Variants in ERMP1 observed in about 807,000 individuals in gnomAD.
ERMP1 encodes the protein Felix-ina.
Under a neutral mutation model 92.0 loss-of-function variants are expected in ERMP1, and 86 were observed. The observed-to-expected ratio is 0.93, with a 90% CI of 0.79 to 1.12. The LOEUF is 1.12. Ranked by LOEUF, ERMP1 falls within the 50% of genes most tolerant of loss-of-function variation. ERMP1 has a pLI of 0.00. For missense variants in ERMP1, 1,342 were observed against 1,116.3 expected (o/e 1.20, Z -2.88); for synonymous variants, 530 against 412.8 (o/e 1.28, Z -3.44).
intron 2 of ERMP1, among the ~76,000 whole-genome samples, chr9:5,828,131 T>C (rs1374529223): frequency 1.3e-5 from 2 of 152,234 alleles, no homozygotes; most frequent in Non-Finnish European, 2.9e-5. Flanking sequence ...AGAACCTGTC[T>C]CTATTATTTA....
At chr9:5,827,956 C>T (rs951676944) in intron 2 of ERMP1, among the ~76,000 whole-genome samples, 1 of 151,998 alleles carries the variant, frequency 6.6e-6, no homozygotes, top group Non-Finnish European at 1.5e-5. Flanking sequence ...CTAGCCTGGG[C>T]GACAGAGTGA....
chr9:5,859,490 T>G (rs1483354610), exon 6 of ERMP1, among the ~76,000 whole-genome samples: 1 of 152,152 alleles, frequency 6.6e-6, no homozygotes, highest in South Asian at 2.1e-4. Context: ...CAAGAAAGAC[T>G]CTCCAGAGTT....
intron 11 of ERMP1, among the ~76,000 whole-genome samples, chr9:5,800,108 G>A (rs1454000920): frequency 2.6e-5 from 4 of 152,118 alleles, no homozygotes; most frequent in African/African-American, 9.7e-5. Context: ...GCCCTTAAGG[G>A]TATATGTTAT....
intron 13 of ERMP1, chr9:5,791,207 G>A (rs560034089): frequency 4.4e-6 from 2 of 456,666 alleles, no homozygotes. Flanking sequence ...GAGAGTGATT[G>A]AGATTTATTT....
At position 5,785,102 on chromosome 9, in the gene ERMP1, G is replaced by C. The variant is rs1827881799; in HGVS notation, c.*2042C>G. ...GAATATTACACAAGCCCTGAGACTA[G>C]TGAGCATCTTACTACTGACCTTGTA... On this transcript the variant is annotated 3_prime_UTR_variant, in exon 15 of 15. Coordinates refer to ENST00000339450, the MANE Select transcript of ERMP1 (RefSeq NM_024896.3). The C allele has an allele frequency of 6.6e-6, 1 of 152,106 alleles. No homozygotes were observed. The highest frequency in any genetic ancestry group is 1.5e-5 in the Non-Finnish European group (1 of 68,034). The allele number at this position is 152,106 out of a possible 1,614,324, so 9.4% of individuals were successfully genotyped here. A position where few individuals can be genotyped will look rare whatever the true frequency, so the allele number is the denominator to read the frequency against.
chr9:5,805,406 A>G lies in ERMP1; in HGVS notation c.1724-189T>C, dbSNP rs1828832576. Among the ~76,000 whole-genome samples, 4 of 152,198 alleles carry G rather than the reference A, an allele frequency of 2.6e-5. No homozygotes were observed. The South Asian group carries it at 8.3e-4, about 32-fold the overall frequency. On this transcript the variant is annotated intron_variant, in intron 9 of 14. Transcript: ENST00000339450. ...AAAATACAAATAAGAATAAAGCAAA[A>G]TACACAAGTAATATATTAGTATGTG...
At chr9:5,792,501 T>C (rs1356919273) in intron 13 of ERMP1, among the ~76,000 whole-genome samples, 1 of 152,196 alleles carries the variant, frequency 6.6e-6, no homozygotes, top group East Asian at 1.9e-4. Flanking sequence ...AGTTTTTCAG[T>C]AAATCTTCTT....
intron 6 of ERMP1, among the ~76,000 whole-genome samples, chr9:5,844,514 C>T (rs7030946): frequency 0.95 from 144,760 of 152,212 alleles, 69,155 homozygotes; most frequent in East Asian, 1. Flanking sequence ...GCTCAAGTGA[C>T]CCACCCTCCT....
At chr9:5,860,628 T>C in intron 5 of ERMP1, among the ~76,000 whole-genome samples, 1 of 94,494 alleles carries the variant, frequency 1.1e-5, no homozygotes, top group Non-Finnish European at 2.6e-5. Context: ...TTTTTTTTTG[T>C]AGAGATCGGG....
chr9:5,804,967 TG>T, intron 10 of ERMP1, 59 bp downstream of exon 10: 1 of 1,302,994 alleles, frequency 7.7e-7, no homozygotes, highest in Non-Finnish European at 1.1e-6. Flanking sequence ...GAATCTAGTA[TG>T]GCTAAATTCA....
intron 7 of ERMP1, 85 bp downstream of exon 7, chr9:5,811,024 TGG>T: frequency 1.2e-6 from 1 of 827,772 alleles, no homozygotes. Context: ...TTTAGCTTTC[TGG>T]GAAGATATAA....
rs145885385 is a variant in ERMP1, at chr9:5,784,779, G to C, written c.*2365C>G. On this transcript the variant is annotated 3_prime_UTR_variant, in exon 15 of 15. Transcript: ENST00000339450. Reference sequence around the variant, plus strand: ...AACTGTAAAAACAAACACTTCATGCGACAATCATTCTTAGGTCAAACACAA... The same window carrying C: ...AACTGTAAAAACAAACACTTCATGCCACAATCATTCTTAGGTCAAACACAA... 6.6e-6 allele frequency: 1 copy of C among 151,798 alleles called. No homozygotes were observed. Among genetic ancestry groups the C allele is most frequent in the African/African-American group, 2.5e-5 (1 of 40,766 alleles). 9.4% of individuals were successfully genotyped at this position (151,798 alleles called of 1,614,324 possible).
chr9:5,838,778 C>A (rs147051684), intron 6 of ERMP1, among the ~76,000 whole-genome samples: 1 of 151,362 alleles, frequency 6.6e-6, no homozygotes, highest in African/African-American at 2.4e-5. Flanking sequence ...GAGGGAAATG[C>A]TCACATTATA....
intron 1 of ERMP1, among the ~76,000 whole-genome samples, chr9:5,831,414 T>C (rs551754158): frequency 6.6e-6 from 1 of 152,204 alleles, no homozygotes; most frequent in Admixed American, 6.5e-5. Flanking sequence ...GAGACCAGCC[T>C]GGGCAACATG....
At chr9:5,840,699 T>C (rs1830152989) in intron 6 of ERMP1, among the ~76,000 whole-genome samples, 2 of 152,248 alleles carry the variant, frequency 1.3e-5, no homozygotes, top group African/African-American at 4.8e-5. Flanking sequence ...AATGACTTAA[T>C]TTTGTTATGC....
chr9:5,838,540 A>AAG (rs1554627927), intron 6 of ERMP1, among the ~76,000 whole-genome samples: 1 of 151,954 alleles, frequency 6.6e-6, no homozygotes, highest in Non-Finnish European at 1.5e-5. Flanking sequence ...CAAAAAAAAA[A>AAG]AAGAAGAAGA....
intron 2 of ERMP1, among the ~76,000 whole-genome samples, chr9:5,826,113 T>C (rs1829722996): frequency 6.6e-6 from 1 of 152,016 alleles, no homozygotes; most frequent in Non-Finnish European, 1.5e-5. Flanking sequence ...AATCAAGAAG[T>C]TGGGAGGGTA....
chr9:5,785,262 G>A lies in ERMP1; in HGVS notation c.*1882C>T, dbSNP rs551519199. Reference sequence around the variant, plus strand: ...AGAGTAAAGGCATCCTTCCCATAGAGGGGGGGAATTCACAGGGAACACTAA... The same window carrying A: ...AGAGTAAAGGCATCCTTCCCATAGAAGGGGGGAATTCACAGGGAACACTAA... On this transcript the variant is annotated 3_prime_UTR_variant, in exon 15 of 15. Transcript: ENST00000339450. 6.6e-6 allele frequency: 1 copy of A among 151,972 alleles called. No homozygotes were observed. Among genetic ancestry groups the A allele is most frequent in the South Asian group, 2.1e-4 (1 of 4,824 alleles). The allele number at this position is 151,972 out of a possible 1,614,324, so 9.4% of individuals were successfully genotyped here.
chr9:5,866,566 A>G (rs1563790319), intron 5 of ERMP1, among the ~76,000 whole-genome samples: 1 of 152,226 alleles, frequency 6.6e-6, no homozygotes, highest in Non-Finnish European at 1.5e-5. Flanking sequence ...CAACCACTCC[A>G]AAAGACTGAT....
Sources: allele counts gnomAD v4.1 joint callset (sites outside exome capture counted in the v4.1 genomes callset), GRCh38; gene constraint gnomAD v4.1.1; transcripts MANE v1.5; gene names NCBI Gene and HGNC (gene_info 2026-07-23, HGNC 2026-07-21).